C4orf50: variants seen among roughly 807,000 people sequenced by gnomAD.
C4orf50 encodes the protein uncharacterized protein C4orf50.
Under a neutral mutation model 77.2 loss-of-function variants are expected in C4orf50, and 80 were observed. The ratio of observed to expected loss-of-function variants is 1.04; its 90% CI spans 0.87 to 1.25. C4orf50 has a LOEUF of 1.25. C4orf50 is among the 50% of genes most tolerant of loss of function. C4orf50 has a pLI of 0.00. For missense variants in C4orf50, 1,257 were observed against 1,152.9 expected (o/e 1.09, Z -1.31); for synonymous variants, 532 against 465.3 (o/e 1.14, Z -1.84).
At chr4:5,964,937 C>T (rs911425178) in intron 33 of C4orf50, 87 bp downstream of exon 11, 2 of 1,295,844 alleles carry the variant, frequency 1.5e-6, no homozygotes, top group African/African-American at 1.5e-5. Context: ...GGGTGTATAT[C>T]GCTTGGATAA....
At chr4:5,988,980 T>C (rs1256092116) in exon 28 of C4orf50, 8 of 1,536,072 alleles carry the variant, frequency 5.2e-6, no homozygotes, top group Admixed American at 3.9e-5. Flanking sequence ...CTTTCAGTGT[T>C]TCATTTTCCT....
rs188627225 is a variant in C4orf50, at chr4:5,924,072, C to T, written c.*2475-25884G>A. Among the ~76,000 whole-genome samples, 626 of 152,274 alleles carry T rather than the reference C, an allele frequency of 4.1e-3. 3 individuals are homozygous for T. Among genetic ancestry groups the T allele is most frequent in the African/African-American group, 0.013 (528 of 41,558 alleles). ...ACACCAGTGGTTTGCCAGGGGCTCT[C>T]GGGCCTTGGGCCACAGATTGAAGTC... is the stretch of plus-strand genomic sequence containing the variant. On this transcript the variant is annotated intron_variant, in intron 7 of 7. Transcript: ENST00000324058.
At chr4:5,907,903 G>T (rs139783124) in intron 7 of C4orf50, among the ~76,000 whole-genome samples, 1 of 152,190 alleles carries the variant, frequency 6.6e-6, no homozygotes, top group East Asian at 1.9e-4. Flanking sequence ...CTATGAGAAG[G>T]TGCCATGAGG....
chr4:5,945,167 G>C (rs947374312), intron 7 of C4orf50, among the ~76,000 whole-genome samples: 2 of 152,166 alleles, frequency 1.3e-5, no homozygotes, highest in Non-Finnish European at 2.9e-5. Context: ...CAGGTCCTCC[G>C]AGCCCCCCAG....
chr4:5,987,200 C>T lies in C4orf50; in HGVS notation c.3699+1147G>A, dbSNP rs1269579823. 3.4e-4 allele frequency among the ~76,000 whole-genome samples: 51 copies of T among 151,958 alleles called. 1 individual carries two copies. Among genetic ancestry groups the T allele is most frequent in the South Asian group, 8.3e-4 (4 of 4,816 alleles). On this transcript the variant is annotated intron_variant, in intron 28 of 33. Coordinates refer to ENST00000531445, the Ensembl canonical transcript of C4orf50. ...CCTAGGTGGGCAGATCGCCTGAGCTCAGGAGTTCGAGACCAGCCTGGGCAA... is the reference window on the plus strand; with the variant it reads ...CCTAGGTGGGCAGATCGCCTGAGCTTAGGAGTTCGAGACCAGCCTGGGCAA...
chr4:5,978,101 G>A (rs996265856), intron 29 of C4orf50, among the ~76,000 whole-genome samples: 1 of 152,104 alleles, frequency 6.6e-6, no homozygotes, highest in Non-Finnish European at 1.5e-5. Context: ...AGAAAATACA[G>A]CTCAAAACCA....
chr4:5,944,750 G>C (rs1451229941), intron 7 of C4orf50, among the ~76,000 whole-genome samples: 1 of 152,140 alleles, frequency 6.6e-6, no homozygotes, highest in African/African-American at 2.4e-5. Flanking sequence ...AAACAGAAGA[G>C]GGCAGCTGGG....
chr4:5,968,607 A>G (rs1374837063), intron 31 of C4orf50, among the ~76,000 whole-genome samples: 1 of 152,058 alleles, frequency 6.6e-6, no homozygotes, highest in Non-Finnish European at 1.5e-5. Flanking sequence ...CCTTCACTCT[A>G]TCCTTCCAGC....
chr4:5,951,327 T>C (rs1345768138), intron 7 of C4orf50, among the ~76,000 whole-genome samples: 13 of 94,922 alleles, frequency 1.4e-4, no homozygotes, highest in African/African-American at 4.9e-4. Flanking sequence ...GCCACCTGCA[T>C]TGAGGGAATG....
intron 7 of C4orf50, among the ~76,000 whole-genome samples, chr4:5,951,350 G>A (rs775212199): frequency 6.6e-6 from 1 of 151,960 alleles, no homozygotes; most frequent in African/African-American, 2.4e-5. Flanking sequence ...GGGGGGTGGT[G>A]GCACATGATT....
intron 25 of C4orf50, among the ~76,000 whole-genome samples, chr4:6,004,315 G>GA (rs774914346): frequency 4.5e-5 from 1 of 22,128 alleles, no homozygotes; most frequent in South Asian, 2.1e-3. Context: ...TGGTGATGAT[G>GA]TGATCGTAAT....
rs1417619752 is a variant in C4orf50, at chr4:5,968,437, C to T, written c.4105-975G>A. Among the ~76,000 whole-genome samples the T allele has an allele frequency of 6.6e-5, 10 of 152,180 alleles. No individual in the cohort carries two copies. In the East Asian group the frequency reaches 1.5e-3, roughly 23 times the overall value. On this transcript the variant is annotated intron_variant, in intron 31 of 33. Coordinates refer to ENST00000531445, the Ensembl canonical transcript of C4orf50. ...GTCTTCTGGTAGTGACCGGATCACA[C>T]CAGCACTCCTGGGAGGCTTCGGTAC...
rs924230446 is a variant in C4orf50, at chr4:5,905,702, T to C, written c.*2475-7514A>G. On this transcript the variant is annotated intron_variant, in intron 7 of 7. Coordinates refer to the C4orf50 transcript ENST00000324058. The surrounding 1 kb of genome is among the most constrained non-coding windows in gnomAD (Gnocchi z 5.4). ...GGTGCTTCAGACCCTTGACATGATA[T>C]GGAAATTTTATGTTACTAAGCATTC... 5.9e-5 allele frequency among the ~76,000 whole-genome samples: 9 copies of C among 152,230 alleles called. No individual in the cohort carries two copies. The highest frequency in any genetic ancestry group is 2.2e-4 in the African/African-American group (9 of 41,458).
intron 31 of C4orf50, among the ~76,000 whole-genome samples, chr4:5,972,604 G>A (rs1719991903): frequency 6.6e-6 from 1 of 152,242 alleles, no homozygotes; most frequent in Non-Finnish European, 1.5e-5. Flanking sequence ...GTGAGGAAAA[G>A]GAAGGGTCAG....
chr4:5,982,518 G>C (rs1209641148), intron 28 of C4orf50, among the ~76,000 whole-genome samples: 1 of 152,202 alleles, frequency 6.6e-6, no homozygotes, highest in African/African-American at 2.4e-5. Context: ...ATAAAGGGAA[G>C]CCAGGAGGCT....
chr4:6,004,766 A>G (rs933445863), intron 25 of C4orf50, among the ~76,000 whole-genome samples: 1 of 111,844 alleles, frequency 8.9e-6, no homozygotes, highest in Non-Finnish European at 1.9e-5. Flanking sequence ...TGGTGATGAC[A>G]GTGATGACGG....
intron 24 of C4orf50, among the ~76,000 whole-genome samples, chr4:6,010,537 A>G (rs1375502393): frequency 2.0e-5 from 3 of 152,000 alleles, no homozygotes; most frequent in Non-Finnish European, 4.4e-5. Flanking sequence ...TCAAAACAGC[A>G]CTCCCTCTAG....
At chr4:5,960,055 G>A (rs1045543839) in intron 33 of C4orf50, among the ~76,000 whole-genome samples, 1 of 152,334 alleles carries the variant, frequency 6.6e-6, no homozygotes, top group South Asian at 2.1e-4. Flanking sequence ...TTCCCCAAAT[G>A]TGCCATCTTA....
chr4:5,935,106 G>A lies in C4orf50; in HGVS notation c.*2474+21795C>T, dbSNP rs139357017. Among the ~76,000 whole-genome samples the A allele has an allele frequency of 3.6e-4, 55 of 152,368 alleles. 1 individual carries two copies. The East Asian group carries it at 7.9e-3, about 22-fold the overall frequency. ...AGGAAGCTCTAGGTTCATAATTACT[G>A]CAGTTAACATGGCCTTATTTTTTCT... On this transcript the variant is annotated intron_variant, in intron 7 of 7. Transcript: ENST00000324058.
Sources: gnomAD v4.1 joint callset for allele counts (sites outside exome capture counted in the v4.1 genomes callset) on GRCh38, gnomAD v4.1.1 for gene constraint, Gnocchi (gnomAD v3.1) non-coding constraint, MANE v1.5 for transcripts, NCBI Gene and HGNC (gene_info 2026-07-23, HGNC 2026-07-21) for gene names.